CDH18: variants seen among roughly 807,000 people sequenced by gnomAD.
The protein encoded by CDH18 is cadherin 18.
Under a neutral mutation model 67.9 loss-of-function variants are expected in CDH18, and 31 were observed. The ratio of observed to expected loss-of-function variants is 0.46; its 90% CI spans 0.34 to 0.62. The LOEUF is 0.62. Among genes scored for constraint, CDH18 ranks in the 20% least tolerant of loss-of-function variants. The pLI, the probability that CDH18 is intolerant of heterozygous loss-of-function variation, is 0.01. For synonymous variants in CDH18, 362 were observed against 347.2 expected (o/e 1.04, Z -0.48); for missense variants, 890 against 975.5 (o/e 0.91, Z 1.17).
At chr5:20,102,428 G>A (rs1746553643) in intron 2 of CDH18, among the ~76,000 whole-genome samples, 2 of 152,094 alleles carry the variant, frequency 1.3e-5, no homozygotes, top group Non-Finnish European at 2.9e-5. Flanking sequence ...CGCAAATTAT[G>A]GGCTCATTAC....
chr5:20,227,437 C>A (rs2126482477), intron 2 of CDH18, among the ~76,000 whole-genome samples: 1 of 152,162 alleles, frequency 6.6e-6, no homozygotes, highest in Non-Finnish European at 1.5e-5. Flanking sequence ...CATAAACACA[C>A]AAAGATTCAA....
At chr5:19,959,198 G>C (rs1796556945) in intron 2 of CDH18, among the ~76,000 whole-genome samples, 1 of 151,988 alleles carries the variant, frequency 6.6e-6, no homozygotes, top group Non-Finnish European at 1.5e-5. Flanking sequence ...CCTGAAAGCA[G>C]TAAATATTTT....
chr5:19,510,586 A>G (rs1195913771), intron 10 of CDH18, among the ~76,000 whole-genome samples: 1 of 152,178 alleles, frequency 6.6e-6, no homozygotes, highest in African/African-American at 2.4e-5. Flanking sequence ...AAACTTAATC[A>G]AAATATTAGA....
chr5:19,598,634 G>A (rs908643235), intron 6 of CDH18, among the ~76,000 whole-genome samples: 3 of 152,022 alleles, frequency 2.0e-5, no homozygotes, highest in African/African-American at 7.2e-5. Context: ...AATGATAATT[G>A]TATTTTTAAA....
In CDH18 at chr5:19,950,062, A is replaced by C. The variant is rs185097568; in HGVS notation, c.-257+30998T>G. Among the ~76,000 whole-genome samples the C allele has an allele frequency of 5.2e-3, 790 of 151,348 alleles. 2 individuals are homozygous for C. Among genetic ancestry groups the C allele is most frequent in the Non-Finnish European group, 9.4e-3 (635 of 67,798 alleles). On this transcript the variant is annotated intron_variant, in intron 2 of 12. Coordinates refer to ENST00000382275, the MANE Select transcript of CDH18 (RefSeq NM_004934.5). ...TTGAATAAATATGAGATATATACAT[A>C]TATATGTATATATCCAATGTGATAT...
upstream of CDH18, among the ~76,000 whole-genome samples, chr5:19,988,994 C>T (rs1161023099): frequency 2.0e-5 from 3 of 152,130 alleles, no homozygotes; most frequent in Non-Finnish European, 4.4e-5. Flanking sequence ...AACTTCTCAC[C>T]TCTTATCACT....
rs1744355196 is a variant in CDH18 at position 20,080,460 on chromosome 5, A to G, written c.-517-88446T>C. Among the ~76,000 whole-genome samples the G allele has an allele frequency of 7.9e-5, 12 of 152,320 alleles. No individual in the cohort carries two copies. The South Asian group carries it at 2.3e-3, about 29-fold the overall frequency. On this transcript the variant is annotated intron_variant, in intron 2 of 14. Transcript: ENST00000507958. ...TGAGTCGCATGGCTAGAGTACCAAC[A>G]TAGATGGATATGTGAAGGAACAGCT...
At chr5:19,632,741 A>T (rs1249046532) in intron 5 of CDH18, among the ~76,000 whole-genome samples, 1 of 152,162 alleles carries the variant, frequency 6.6e-6, no homozygotes, top group Non-Finnish European at 1.5e-5. Context: ...TGAGTTACAA[A>T]CACCTGGGAT....
intron 1 of CDH18, among the ~76,000 whole-genome samples, chr5:20,471,980 A>ATT (rs143335601): frequency 2.6e-5 from 4 of 152,024 alleles, no homozygotes; most frequent in South Asian, 2.1e-4. Context: ...GCTCCAAAAT[A>ATT]AATTCACTGA....
intron 1 of CDH18, among the ~76,000 whole-genome samples, chr5:20,278,871 A>T (rs1746006768): frequency 6.6e-6 from 1 of 152,152 alleles, no homozygotes; most frequent in Admixed American, 6.5e-5. Flanking sequence ...ACCTCAAATC[A>T]GAAACCTACA....
chr5:20,555,408 CTTTTTTTTTT>C (rs774396694), intron 1 of CDH18, among the ~76,000 whole-genome samples: 22 of 103,640 alleles, frequency 2.1e-4, no homozygotes, highest in African/African-American at 7.8e-4. Flanking sequence ...ACAAGCTTTT[CTTTTTTTTTT>C]TTTTTTTTTT....
At chr5:19,982,908 G>A (rs1018776408) in intron 1 of CDH18, among the ~76,000 whole-genome samples, 3 of 151,820 alleles carry the variant, frequency 2.0e-5, no homozygotes, top group Admixed American at 6.6e-5. Context: ...GCCGGGCTTG[G>A]TGGCAGGCAC....
intron 2 of CDH18, among the ~76,000 whole-genome samples, chr5:20,254,928 T>C (rs1744116925): frequency 6.6e-6 from 1 of 152,070 alleles, no homozygotes; most frequent in Non-Finnish European, 1.5e-5. Flanking sequence ...TGGAATACTA[T>C]GCAGCCATAA....
chr5:20,103,797 A>G (rs1263012162), intron 2 of CDH18, among the ~76,000 whole-genome samples: 1 of 67,072 alleles, frequency 1.5e-5, no homozygotes, highest in Non-Finnish European at 2.9e-5. Context: ...GGAGCTATGT[A>G]CATAGAAACC....
intron 2 of CDH18, among the ~76,000 whole-genome samples, chr5:19,863,423 G>A (rs2149989630): frequency 6.6e-6 from 1 of 152,194 alleles, no homozygotes; most frequent in Admixed American, 6.5e-5. Flanking sequence ...CCAAATACTG[G>A]CAATCTCTTC....
At chr5:19,907,364 A>T (rs908702333) in intron 2 of CDH18, among the ~76,000 whole-genome samples, 1 of 151,982 alleles carries the variant, frequency 6.6e-6, no homozygotes, top group Non-Finnish European at 1.5e-5. Context: ...ATGCATAATG[A>T]GATATGTTGG....
chr5:19,539,908 C>A (rs937374255), intron 9 of CDH18, among the ~76,000 whole-genome samples: 1 of 152,102 alleles, frequency 6.6e-6, no homozygotes, highest in South Asian at 2.1e-4. Flanking sequence ...CCACTCCTGG[C>A]CCCTCCCACA....
At chr5:19,702,498 G>T (rs1763400340) in intron 5 of CDH18, among the ~76,000 whole-genome samples, 1 of 150,510 alleles carries the variant, frequency 6.6e-6, no homozygotes, top group South Asian at 2.2e-4. Context: ...GGGCGTGGTG[G>T]CTCACACCTG....
intron 2 of CDH18, among the ~76,000 whole-genome samples, chr5:19,964,761 C>T (rs867626474): frequency 1.7e-4 from 26 of 151,596 alleles, no homozygotes; most frequent in South Asian, 6.2e-4. Flanking sequence ...TGGCTAATTC[C>T]GTTATAGAAA....
Sources: gnomAD v4.1 joint callset for allele counts (sites outside exome capture counted in the v4.1 genomes callset) on GRCh38, gnomAD v4.1.1 for gene constraint, MANE v1.5 for transcripts, NCBI Gene and HGNC (gene_info 2026-07-23, HGNC 2026-07-21) for gene names.